MCTP1: variants seen among roughly 807,000 people sequenced by gnomAD.
MCTP1 encodes multiple C2 and transmembrane domain containing 1, also known as multiple C2 and transmembrane domain-containing protein 1.
MCTP1 carries 69 observed loss-of-function variants against 120.6 expected under a neutral mutation model. That is an observed-to-expected ratio of 0.57 (90% CI 0.47 to 0.70). The LOEUF (loss-of-function observed/expected upper bound fraction) is 0.70. MCTP1 is among the 30% of genes least tolerant of loss of function. The pLI is 0.00. For missense variants in MCTP1, 1,203 were observed against 1,248.8 expected (o/e 0.96, Z 0.55); for synonymous variants, 529 against 493.1 (o/e 1.07, Z -0.96).
At chr5:94,720,780 T>C (rs1428189546) in intron 19 of MCTP1, among the ~76,000 whole-genome samples, 2 of 152,242 alleles carry the variant, frequency 1.3e-5, no homozygotes, top group Non-Finnish European at 2.9e-5. Context: ...AATGAACTGG[T>C]ACTTGGCTTG....
At chr5:94,995,813 G>A (rs927623158) in intron 2 of MCTP1, among the ~76,000 whole-genome samples, 1 of 152,092 alleles carries the variant, frequency 6.6e-6, no homozygotes, top group Non-Finnish European at 1.5e-5. Context: ...ACAAATGGAA[G>A]TAAAAAATGC....
chr5:95,064,117 G>A (rs1054529389), intron 1 of MCTP1, among the ~76,000 whole-genome samples: 2 of 152,152 alleles, frequency 1.3e-5, no homozygotes, highest in African/African-American at 4.8e-5. Flanking sequence ...AAAATTATAG[G>A]CTCCCAAGAA....
chr5:94,960,879 C>A (rs999491624), intron 2 of MCTP1, among the ~76,000 whole-genome samples: 4 of 152,252 alleles, frequency 2.6e-5, no homozygotes, highest in African/African-American at 7.2e-5. Flanking sequence ...CCTCAAGAAT[C>A]TAGAACTAGA....
chr5:95,015,686 T>C (rs1034435109), intron 2 of MCTP1, among the ~76,000 whole-genome samples: 1 of 152,152 alleles, frequency 6.6e-6, no homozygotes, highest in Non-Finnish European at 1.5e-5. Context: ...TATACATTTT[T>C]CCATATCAAT....
At chr5:94,957,652 G>C (rs1822977350) in intron 2 of MCTP1, among the ~76,000 whole-genome samples, 1 of 151,328 alleles carries the variant, frequency 6.6e-6, no homozygotes, top group Admixed American at 6.6e-5. Flanking sequence ...CACCAATGAA[G>C]ATTAAAAAAA....
At chr5:95,257,719 T>C (rs58486290) in intron 1 of MCTP1, among the ~76,000 whole-genome samples, 1 of 151,406 alleles carries the variant, frequency 6.6e-6, no homozygotes, top group African/African-American at 2.4e-5. Context: ...TTTCTAAGAC[T>C]AGAGCAGGAA....
At chr5:94,847,600 T>C (rs529389261) in intron 17 of MCTP1, among the ~76,000 whole-genome samples, 2 of 150,852 alleles carry the variant, frequency 1.3e-5, no homozygotes, top group South Asian at 2.1e-4. Flanking sequence ...TGGGGAGATG[T>C]AGGAGGGGGT....
chr5:94,905,005 A>G (rs1033087474), intron 10 of MCTP1, among the ~76,000 whole-genome samples: 4 of 152,356 alleles, frequency 2.6e-5, no homozygotes, highest in Middle Eastern at 3.4e-3. Context: ...AAAACAGAGC[A>G]GAATAGAGGA....
chr5:95,016,298 G>A (rs1446999989), intron 2 of MCTP1, among the ~76,000 whole-genome samples: 2 of 151,962 alleles, frequency 1.3e-5, no homozygotes, highest in Non-Finnish European at 2.9e-5. Context: ...TTACAGGAAT[G>A]AGCCACCACA....
intron 3 of MCTP1, among the ~76,000 whole-genome samples, chr5:94,949,730 C>T (rs1346605096): frequency 6.6e-6 from 1 of 151,912 alleles, no homozygotes; most frequent in Non-Finnish European, 1.5e-5. Flanking sequence ...ATAGGAGGGT[C>T]GTATACTTAA....
intron 1 of MCTP1, among the ~76,000 whole-genome samples, chr5:95,189,146 C>G (rs1279031298): frequency 6.6e-6 from 1 of 152,032 alleles, no homozygotes; most frequent in Non-Finnish European, 1.5e-5. Context: ...TAGAAATGAA[C>G]AAATTGTTCA....
chr5:95,047,230 G>A (rs1744783000), intron 1 of MCTP1, among the ~76,000 whole-genome samples: 1 of 152,094 alleles, frequency 6.6e-6, no homozygotes, highest in Non-Finnish European at 1.5e-5. Flanking sequence ...TGTCTACTTT[G>A]TCTACATAGA....
intron 1 of MCTP1, among the ~76,000 whole-genome samples, chr5:95,149,418 T>C (rs146173950): frequency 3.2e-4 from 48 of 152,266 alleles, no homozygotes; most frequent in Admixed American, 8.5e-4. Context: ...TGATCTGTTA[T>C]TGGGGTGTTT....
At chr5:95,029,442 G>A (rs982358379) in intron 1 of MCTP1, among the ~76,000 whole-genome samples, 1 of 152,162 alleles carries the variant, frequency 6.6e-6, no homozygotes, top group Non-Finnish European at 1.5e-5. Flanking sequence ...TTGGATGCTA[G>A]TTCTCCTCAG....
intron 17 of MCTP1, among the ~76,000 whole-genome samples, chr5:94,866,349 T>A (rs989166425): frequency 6.6e-6 from 1 of 151,798 alleles, no homozygotes. Context: ...TAAATGACAT[T>A]TGATTTTGTT....
intron 1 of MCTP1, among the ~76,000 whole-genome samples, chr5:95,123,760 C>T (rs1240691444): frequency 6.6e-6 from 1 of 151,894 alleles, no homozygotes; most frequent in Non-Finnish European, 1.5e-5. Flanking sequence ...TGCCATTCTC[C>T]TGCCTCAGCC....
At chr5:94,745,956 G>A (rs934247994) in intron 19 of MCTP1, among the ~76,000 whole-genome samples, 4 of 152,122 alleles carry the variant, frequency 2.6e-5, no homozygotes, top group Admixed American at 6.6e-5. Flanking sequence ...TAATATGGCT[G>A]CCCCAGCTGT....
In MCTP1 at chr5:95,144,941, C is replaced by T. The variant is rs539658442; in HGVS notation, c.721-127457G>A. ...TTTCCTACTTCTGTGGAAAAAATGA[C>T]GTTGATATTTTGATAGAGATGGCAT... On this transcript the variant is annotated intron_variant, in intron 1 of 22. Coordinates refer to ENST00000515393, the MANE Select transcript of MCTP1 (RefSeq NM_024717.7). 1.5e-4 allele frequency among the ~76,000 whole-genome samples: 23 copies of T among 152,006 alleles called. No individual in the cohort carries two copies. In the South Asian group the frequency reaches 4.2e-3, roughly 27 times the overall value.
chr5:94,935,484 C>T lies in MCTP1; in HGVS notation c.1174-3493G>A, dbSNP rs953697732. On this transcript the variant is annotated intron_variant, in intron 5 of 22. Transcript: ENST00000515393. ...ACTTCCAGTTATTCATTTCTTCCTA[C>T]CTTGCCAGAGCATTTTATTCACATT... Among the ~76,000 whole-genome samples the T allele has an allele frequency of 2.6e-5, 4 of 152,014 alleles. No individual in the cohort carries two copies. The South Asian group carries it at 6.2e-4, about 24-fold the overall frequency.
Sources: allele counts gnomAD v4.1 joint callset (sites outside exome capture counted in the v4.1 genomes callset), GRCh38; gene constraint gnomAD v4.1.1; transcripts MANE v1.5; gene names NCBI Gene and HGNC (gene_info 2026-07-23, HGNC 2026-07-21).